VAPB: variants seen among roughly 807,000 people sequenced by gnomAD.
VAPB encodes the protein vesicle-associated membrane protein-associated protein B/C.
In VAPB, 7 loss-of-function variants were observed where a neutral mutation model predicts 25.6. That is an observed-to-expected ratio of 0.27 (90% CI 0.16 to 0.51). The LOEUF (loss-of-function observed/expected upper bound fraction) is 0.51. Ranked by LOEUF, VAPB falls within the 20% of genes least tolerant of loss-of-function variation. VAPB has a pLI of 0.97. For missense variants in VAPB, 266 were observed against 301.3 expected, an observed-to-expected ratio of 0.88 and a Z score of 0.87; for synonymous variants, 112 against 109.2, an observed-to-expected ratio of 1.03 and a Z score of -0.16.
intron 2 of VAPB, among the ~76,000 whole-genome samples, chr20:58,423,414 CAAAAAAAAAAAAAAAAAAAAA>C (rs59133081): frequency 3.1e-3 from 108 of 34,784 alleles, no homozygotes; most frequent in Admixed American, 0.019. Flanking sequence ...CTCCATCTCA[CAAAAAAAAAAAAAAAAAAAAA>C]AAAAAAAAAA....
In VAPB at chr20:58,451,003, T is replaced by C; in HGVS notation, c.*6768T>C. 2.2e-6 allele frequency: 1 copy of C among 453,022 alleles called. No homozygotes were observed. Among genetic ancestry groups the C allele is most frequent in the Non-Finnish European group, 4.4e-6 (1 of 225,984 alleles). The allele number at this position is 453,022 out of a possible 1,614,324, so 28.1% of individuals were successfully genotyped here. A position where few individuals can be genotyped will look rare whatever the true frequency, so the allele number is the denominator to read the frequency against. On this transcript the variant is annotated 3_prime_UTR_variant, in exon 6 of 6. Transcript: ENST00000475243. ...TTACAGCATGTTCTCCCATGTTCCATTATCAGCCTGATGAAACCTGCCCTG... is the reference window on the plus strand; with the variant it reads ...TTACAGCATGTTCTCCCATGTTCCACTATCAGCCTGATGAAACCTGCCCTG...
chr20:58,430,649 CA>C (rs1028618505), intron 2 of VAPB, among the ~76,000 whole-genome samples: 1 of 151,790 alleles, frequency 6.6e-6, no homozygotes, highest in African/African-American at 2.4e-5. Flanking sequence ...CGTCTTGGCT[CA>C]CTGCAATCTC....
Position 58,415,588 on chromosome 20 carries a change from AT to A in VAPB, c.59-2614del, listed in dbSNP as rs568767675. 7.7e-4 allele frequency among the ~76,000 whole-genome samples: 116 copies of A among 151,606 alleles called. No homozygotes were observed. The South Asian group carries it at 8.1e-3, about 11-fold the overall frequency. Reference sequence around the variant, plus strand: ...TATGCTGTGGTTCTAGAGACACATCATTTTTTTTTATCTCTAAAAAGGAAAA... The same window carrying A: ...TATGCTGTGGTTCTAGAGACACATCATTTTTTTTATCTCTAAAAAGGAAAA... On this transcript the variant is annotated intron_variant, in intron 1 of 5. Transcript: ENST00000475243.
chr20:58,412,182 A>G (rs558378520), intron 1 of VAPB, among the ~76,000 whole-genome samples: 1 of 152,266 alleles, frequency 6.6e-6, no homozygotes, highest in Non-Finnish European at 1.5e-5. Flanking sequence ...TCATCTCCAA[A>G]TCCAAGGCCA....
intron 1 of VAPB, among the ~76,000 whole-genome samples, chr20:58,396,283 C>T (rs1461860756): frequency 6.6e-6 from 1 of 152,066 alleles, no homozygotes; most frequent in African/African-American, 2.4e-5. Context: ...TGTGTGTGTG[C>T]ATGCCCACCT....
rs746716055 is a variant in VAPB at position 58,440,986 on chromosome 20, C to T, written c.476C>T (p.Ser159Phe). ...ETPIVSKSLS[S>F]SLDDTEVKKV... ...CCAATAGTGTCTAAGTCTCTGAGTT[C>T]TTCTTTGGATGACACCGAAGTTAAG... Residue 159 changes from serine (S) to phenylalanine (F), a missense_variant, in exon 5 of 6, where the codon TCT (serine) becomes TTT (phenylalanine). Physicochemically the swap from Ser to Phe is radical, Grantham distance 155 (BLOSUM62 -2). Coordinates refer to ENST00000475243, the MANE Select transcript of VAPB (RefSeq NM_004738.5). 1.9e-6 allele frequency: 3 copies of T among 1,605,262 alleles called. No homozygotes were observed. The highest frequency in any genetic ancestry group is 2.6e-6 in the Non-Finnish European group (3 of 1,171,994).
At chr20:58,419,192 A>G (rs866645929) in intron 2 of VAPB, among the ~76,000 whole-genome samples, 1 of 152,218 alleles carries the variant, frequency 6.6e-6, no homozygotes, top group African/African-American at 2.4e-5. Flanking sequence ...CTCATTTGAA[A>G]TGAGTATCTC....
In VAPB at chr20:58,449,050, G is replaced by T. The variant is rs1989369143; in HGVS notation, c.*4815G>T. The T allele has an allele frequency of 2.2e-6, 1 of 454,042 alleles. No homozygotes were observed. The highest frequency in any genetic ancestry group is 1.6e-5 in the South Asian group (1 of 64,486). The allele number at this position is 454,042 out of a possible 1,614,324, so 28.1% of individuals were successfully genotyped here. On this transcript the variant is annotated 3_prime_UTR_variant, in exon 6 of 6. Transcript: ENST00000475243. ...GGCCTTTCCCTGAATTAGCACTGCG[G>T]TTCTCCAGGATATCAGCAAAGAGGG...
At chr20:58,434,351 T>G (rs1234370774) in intron 2 of VAPB, among the ~76,000 whole-genome samples, 1 of 152,174 alleles carries the variant, frequency 6.6e-6, no homozygotes, top group Non-Finnish European at 1.5e-5. Context: ...GAAAGATCCA[T>G]GGACTAGGAA....
intron 1 of VAPB, among the ~76,000 whole-genome samples, chr20:58,414,289 C>T (rs1363584934): frequency 1.3e-5 from 2 of 148,150 alleles, no homozygotes; most frequent in Non-Finnish European, 3.0e-5. Context: ...CCCCCACCTC[C>T]CTCCCGGATG....
chr20:58,438,341 G>T (rs1989091490), intron 3 of VAPB, among the ~76,000 whole-genome samples: 1 of 152,206 alleles, frequency 6.6e-6, no homozygotes, highest in South Asian at 2.1e-4. Context: ...ACAGTGGCAT[G>T]ATCATGGCTC....
At chr20:58,409,908 C>T (rs1056965844) in intron 1 of VAPB, among the ~76,000 whole-genome samples, 1,944 of 121,280 alleles carry the variant, frequency 0.016, 20 homozygotes, top group African/African-American at 0.024. Context: ...TTCATATACA[C>T]ACACACACAC....
At position 58,446,333 on chromosome 20, in the gene VAPB, C is replaced by G; in HGVS notation, c.*2098C>G. On this transcript the variant is annotated 3_prime_UTR_variant, in exon 6 of 6. Transcript: ENST00000475243. ...TTGTAGTTGCTGCAGCCAGTTAAGT[C>G]CTGTAGCTTCCAGGCCCTCATGTCT... 2.2e-6 allele frequency: 1 copy of G among 454,110 alleles called. No individual in the cohort carries two copies. The highest frequency in any genetic ancestry group is 4.4e-6 in the Non-Finnish European group (1 of 226,792). The allele number at this position is 454,110 out of a possible 1,614,324, so 28.1% of individuals were successfully genotyped here.
In VAPB at chr20:58,439,043, TAAC is replaced by T. The variant is rs1159393265; in HGVS notation, c.396+21_396+23del. On this transcript the variant is annotated intron_variant, in intron 4 of 5. Transcript: ENST00000475243. ...ATAAACCAGTAAGTATATTTATAGT[TAAC>T]AATAATTGAATGTTGTAAGCTGATA... 6.3e-7 allele frequency: 1 copy of T among 1,599,578 alleles called. No homozygotes were observed. Among genetic ancestry groups the T allele is most frequent in the Non-Finnish European group, 8.6e-7 (1 of 1,167,532 alleles).
At chr20:58,427,732 G>T (rs536316045) in intron 2 of VAPB, among the ~76,000 whole-genome samples, 1 of 147,456 alleles carries the variant, frequency 6.8e-6, no homozygotes, top group African/African-American at 2.5e-5. Context: ...GATGCAGGCA[G>T]AAGTGATCTG....
intron 2 of VAPB, among the ~76,000 whole-genome samples, chr20:58,422,256 T>G (rs1052723193): frequency 6.6e-6 from 1 of 152,182 alleles, no homozygotes; most frequent in African/African-American, 2.4e-5. Context: ...TGCAGGGGGC[T>G]TTCTGTTTGC....
In VAPB at chr20:58,389,642, G is replaced by A. The variant is rs367735463; in HGVS notation, c.58+125G>A. 50 of 1,052,670 alleles carry A rather than the reference G, an allele frequency of 4.7e-5. No homozygotes were observed. In the East Asian group the frequency reaches 7.8e-4, roughly 16 times the overall value. 65.2% of individuals were successfully genotyped at this position (1,052,670 alleles called of 1,614,324 possible). On this transcript the variant is annotated intron_variant, in intron 1 of 5. Transcript: ENST00000475243. ...CCCGACGGCGCTGTCGCGGGGGGCG[G>A]CGAGGCCGGGCCGGGCCTTGGCGCT...
chr20:58,423,472 T>C (rs1988719816), intron 2 of VAPB, among the ~76,000 whole-genome samples: 1 of 118,362 alleles, frequency 8.4e-6, no homozygotes, highest in Non-Finnish European at 1.7e-5. Flanking sequence ...CCTCAGAGCA[T>C]GAACATCAGC....
intron 5 of VAPB, among the ~76,000 whole-genome samples, chr20:58,442,633 G>A (rs2123102726): frequency 6.6e-6 from 1 of 152,312 alleles, no homozygotes. Context: ...CTGTCATCTG[G>A]CCAACAAATT....
Sources: gnomAD v4.1 joint callset for allele counts (sites outside exome capture counted in the v4.1 genomes callset) on GRCh38, gnomAD v4.1.1 for gene constraint, MANE v1.5 for transcripts, NCBI Gene and HGNC (gene_info 2026-07-23, HGNC 2026-07-21) for gene names.